The following C19orf25 variants were observed in gnomAD, a reference collection of about 807,000 sequenced individuals.
The protein encoded by C19orf25 is chromosome 19 open reading frame 25, also known as UPF0449 protein C19orf25.
Under a neutral mutation model 3.1 loss-of-function variants are expected in C19orf25, and 1 was observed. The observed-to-expected ratio is 0.32, with a 90% CI of 0.12 to 1.54. The LOEUF (loss-of-function observed/expected upper bound fraction) is 1.54. Ranked by LOEUF, C19orf25 falls within the 40% of genes most tolerant of loss-of-function variation. The probability of loss-of-function intolerance (pLI) is 0.38; values close to 1 mark genes in which losing one functional copy is unlikely to be tolerated. For missense variants in C19orf25, 196 were observed against 160.4 expected (o/e 1.22, Z -1.20); for synonymous variants, 91 against 74.3 (o/e 1.23, Z -1.16).
intron 2 of C19orf25, among the ~76,000 whole-genome samples, chr19:1,476,919 G>C (rs1243708558): frequency 2.0e-5 from 3 of 149,530 alleles, no homozygotes; most frequent in Non-Finnish European, 4.5e-5. Context: ...CCTGGCCCCA[G>C]AATTTTCTAA....
In C19orf25 at chr19:1,474,155, C is replaced by A. The variant is rs1262728443; in HGVS notation, c.*877G>T. 2 of 152,262 alleles carry A rather than the reference C, an allele frequency of 1.3e-5. No individual in the cohort carries two copies. The highest frequency in any genetic ancestry group is 2.4e-5 in the African/African-American group (1 of 41,438). The allele number at this position is 152,262 out of a possible 1,614,324, so 9.4% of individuals were successfully genotyped here. A position where few individuals can be genotyped will look rare whatever the true frequency, so the allele number is the denominator to read the frequency against. ...CCCGGGACGGAGCCGCTCACAGAGG[C>A]ACCATTCAGACGGCCAGACACACAC... On this transcript the variant is annotated 3_prime_UTR_variant, in exon 3 of 3. Transcript: ENST00000585675.
chr19:1,478,956 G>C (rs1599180743), intron 1 of C19orf25, 51 bp from the exon 2 acceptor site: 1 of 1,502,282 alleles, frequency 6.7e-7, no homozygotes. Flanking sequence ...CTCCGCCCTT[G>C]CCCGGGCTGC....
In C19orf25 at chr19:1,475,189, C is replaced by T. The variant is rs373394316; in HGVS notation, c.200G>A (p.Arg67Gln). 25 of 1,570,566 alleles carry T rather than the reference C, an allele frequency of 1.6e-5. No individual in the cohort carries two copies. The highest frequency in any genetic ancestry group is 7.5e-5 in the Admixed American group (4 of 53,632). ...CCGCTGGTTGGCAGCCACGTAGGCCCGGCTTTGCTGGTAGAGCTGCTCTCC... is the reference window on the plus strand; with the variant it reads ...CCGCTGGTTGGCAGCCACGTAGGCCTGGCTTTGCTGGTAGAGCTGCTCTCC... ...APGEQLYQQS[R>Q]AYVAANQRLQ... Residue 67 changes from arginine (R) to glutamine (Q), a missense_variant, in exon 3 of 3, where the codon CGG (arginine) becomes CAG (glutamine). By Grantham distance (43) the Arg-to-Gln change is conservative (BLOSUM62 1). Coordinates refer to ENST00000585675, the MANE Select transcript of C19orf25 (RefSeq NM_152482.3).
At position 1,474,976 on chromosome 19, in the gene C19orf25, GA is replaced by G. The variant is rs765651652; in HGVS notation, c.*55del. 7.2e-6 allele frequency: 11 copies of G among 1,535,266 alleles called. No homozygotes were observed. In the African/African-American group the frequency reaches 1.5e-4, roughly 21 times the overall value. ...AGTCTGGGGCCGACGGACCCCCAGG[GA>G]AAGCCTGGGTGCAGGCCACCTTGTG... On this transcript the variant is annotated 3_prime_UTR_variant, in exon 3 of 3. Coordinates refer to ENST00000585675, the MANE Select transcript of C19orf25 (RefSeq NM_152482.3).
Position 1,474,657 on chromosome 19 carries a change from G to T in C19orf25, c.*375C>A. Reference sequence around the variant, plus strand: ...GTTAACACCTCGATCCCAACACCTGGACTCAGAAGTGGACAGGCGAGTGCC... The same window carrying T: ...GTTAACACCTCGATCCCAACACCTGTACTCAGAAGTGGACAGGCGAGTGCC... On this transcript the variant is annotated 3_prime_UTR_variant, in exon 3 of 3. Transcript: ENST00000585675. The T allele has an allele frequency of 1.5e-6, 1 of 650,870 alleles. No individual in the cohort carries two copies. The highest frequency in any genetic ancestry group is 2.8e-5 in the South Asian group (1 of 35,164). 40.3% of individuals were successfully genotyped at this position (650,870 alleles called of 1,614,324 possible).
chr19:1,475,218 G>A lies in C19orf25; in HGVS notation c.171C>T (p.Ala57=). ...VPFRMMEDAE[A]PGEQLYQQSR... Reference sequence around the variant, plus strand: ...TTTGCTGGTAGAGCTGCTCTCCCGGGGCCTCCGCATCCTCCATCATCCTGA... The same window carrying A: ...TTTGCTGGTAGAGCTGCTCTCCCGGAGCCTCCGCATCCTCCATCATCCTGA... Residue 57 remains alanine (A), a synonymous_variant, in exon 3 of 3, where the codon GCC becomes GCT. Transcript: ENST00000585675. The A allele has an allele frequency of 6.4e-7, 1 of 1,562,248 alleles. No individual in the cohort carries two copies. Among genetic ancestry groups the A allele is most frequent in the Non-Finnish European group, 8.7e-7 (1 of 1,154,226 alleles).
At chr19:1,478,953 C>A (rs2084235900) in intron 1 of C19orf25, 48 bp from the exon 2 acceptor site, 2 of 1,506,664 alleles carry the variant, frequency 1.3e-6, no homozygotes, top group East Asian at 2.5e-5. Context: ...CCTCTCCGCC[C>A]TTGCCCGGGC....
rs530595224 is a variant in C19orf25 at position 1,474,675 on chromosome 19, C to T, written c.*357G>A. 9 of 804,122 alleles carry T rather than the reference C, an allele frequency of 1.1e-5. No homozygotes were observed. Among genetic ancestry groups the T allele is most frequent in the Admixed American group, 3.0e-5 (1 of 33,152 alleles). 49.8% of individuals were successfully genotyped at this position (804,122 alleles called of 1,614,324 possible). A position where few individuals can be genotyped will look rare whatever the true frequency, so the allele number is the denominator to read the frequency against. ...ACACCTGGACTCAGAAGTGGACAGG[C>T]GAGTGCCTGCCCCGGGAGAGGAAGG... On this transcript the variant is annotated 3_prime_UTR_variant, in exon 3 of 3. Transcript: ENST00000585675.
In C19orf25 at chr19:1,473,280, G is replaced by A. The variant is rs2084166939; in HGVS notation, c.*1752C>T. The A allele has an allele frequency of 2.0e-5, 3 of 152,300 alleles. No homozygotes were observed. The highest frequency in any genetic ancestry group is 1.3e-4 in the Admixed American group (2 of 15,286). 9.4% of individuals were successfully genotyped at this position (152,300 alleles called of 1,614,324 possible). ...ACCTCTTCCTCAAAATGGGCTGTGGGCGGGTAGGTTCATCGCTGTCTATGT... is the reference window on the plus strand; with the variant it reads ...ACCTCTTCCTCAAAATGGGCTGTGGACGGGTAGGTTCATCGCTGTCTATGT... On this transcript the variant is annotated 3_prime_UTR_variant, in exon 3 of 3. Coordinates refer to ENST00000585675, the MANE Select transcript of C19orf25 (RefSeq NM_152482.3).
intron 1 of C19orf25, 102 bp from the exon 2 acceptor site, chr19:1,479,007 C>T: frequency 1.4e-6 from 2 of 1,419,828 alleles, no homozygotes; most frequent in Admixed American, 3.0e-5. Context: ...GTCGCGGTCC[C>T]GCTCCCGGGG....
At chr19:1,477,764 T>TA (rs1175996500) in intron 2 of C19orf25, among the ~76,000 whole-genome samples, 1 of 152,116 alleles carries the variant, frequency 6.6e-6, no homozygotes, top group Non-Finnish European at 1.5e-5. Flanking sequence ...TCCCAGACCT[T>TA]AAAAAAACAG....
chr19:1,475,682 C>A, intron 2 of C19orf25: 1 of 183,138 alleles, frequency 5.5e-6, no homozygotes, highest in Non-Finnish European at 1.1e-5. Context: ...GAATGAGACC[C>A]TGTCTCAAAA....
chr19:1,478,655 G>T, intron 2 of C19orf25, 119 bp downstream of exon 2: 2 of 1,502,488 alleles, frequency 1.3e-6, no homozygotes. Context: ...GATACGGACC[G>T]TGCCCATGTT....
chr19:1,474,932 C>G lies in C19orf25; in HGVS notation c.*100G>C. 2 of 1,528,204 alleles carry G rather than the reference C, an allele frequency of 1.3e-6. No individual in the cohort carries two copies. The highest frequency in any genetic ancestry group is 1.8e-6 in the Non-Finnish European group (2 of 1,140,550). The allele number at this position is 1,528,204 out of a possible 1,614,324, so 94.7% of individuals were successfully genotyped here. A position where few individuals can be genotyped will look rare whatever the true frequency, so the allele number is the denominator to read the frequency against. The stretch of plus-strand genomic sequence containing the variant: ...GCGCCTGTGTCAACACCCACGTGGG[C>G]TGGGACCCCGTGAATGCCAGTCTGG... On this transcript the variant is annotated 3_prime_UTR_variant, in exon 3 of 3. Coordinates refer to ENST00000585675, the MANE Select transcript of C19orf25 (RefSeq NM_152482.3).
At position 1,479,151 on chromosome 19, in the gene C19orf25, G is replaced by C; in HGVS notation, c.-3+12C>G. 1.5e-6 allele frequency: 2 copies of C among 1,290,476 alleles called. No homozygotes were observed. Among genetic ancestry groups the C allele is most frequent in the East Asian group, 3.2e-5 (1 of 31,046 alleles). 79.9% of individuals were successfully genotyped at this position (1,290,476 alleles called of 1,614,324 possible). ...TTCCCCGCGGTCACCCCAGTCGCCG[G>C]CCTCTTCCCACCTGGGCGCGGGACC... On this transcript the variant is annotated intron_variant, in intron 1 of 2. Transcript: ENST00000585675.
At chr19:1,475,391 G>T in intron 2 of C19orf25, 133 bp from the exon 3 acceptor site, 1 of 883,134 alleles carries the variant, frequency 1.1e-6, no homozygotes, top group Non-Finnish European at 1.7e-6. Context: ...TTCTTAACAT[G>T]ACGGATGCAG....
At chr19:1,478,151 T>C (rs921330884) in intron 2 of C19orf25, among the ~76,000 whole-genome samples, 8 of 152,270 alleles carry the variant, frequency 5.3e-5, no homozygotes, top group African/African-American at 1.9e-4. Flanking sequence ...TTATTTATTT[T>C]TGAGACACAG....
chr19:1,478,245 ATTTT>A (rs543535192), intron 2 of C19orf25, among the ~76,000 whole-genome samples: 1 of 140,408 alleles, frequency 7.1e-6, no homozygotes, highest in Admixed American at 7.2e-5. Flanking sequence ...ACACCCAGTA[ATTTT>A]TTTTTTTTTT....
Sources: gnomAD v4.1 joint callset for allele counts (sites outside exome capture counted in the v4.1 genomes callset) on GRCh38, gnomAD v4.1.1 for gene constraint, MANE v1.5 for transcripts, NCBI Gene and HGNC (gene_info 2026-07-23, HGNC 2026-07-21) for gene names.